The following FBXL7 variants were observed in gnomAD, a reference collection of about 807,000 sequenced individuals.
The protein encoded by FBXL7 is F-box/LRR-repeat protein 7.
In FBXL7, 12 loss-of-function variants were observed where a neutral mutation model predicts 38.3. That is an observed-to-expected ratio of 0.31 (90% CI 0.20 to 0.51). The LOEUF (loss-of-function observed/expected upper bound fraction) is 0.51, where lower values mean the gene tolerates loss of function less well. Ranked by LOEUF, FBXL7 falls within the 20% of genes least tolerant of loss-of-function variation. The pLI is 0.98. For synonymous variants in FBXL7, 297 were observed against 300.9 expected (o/e 0.99, Z 0.13); for missense variants, 567 against 676.4 (o/e 0.84, Z 1.79).
chr5:15,927,764 T>TAAAAAAAAAAAAAAAAAAAAAA lies in FBXL7; in HGVS notation c.128-124_128-103dup, dbSNP rs753935096. ...CACTCCCGCCTGGGCGACAAGATCT[T>TAAAAAAAAAAAAAAAAAAAAAA]AAAAAAAAAAAAAAAAAAAAAAAGA... On this transcript the variant is annotated intron_variant, in intron 2 of 3. Transcript: ENST00000504595. 3.9e-5 allele frequency: 18 copies of TAAAAAAAAAAAAAAAAAAAAAA among 456,840 alleles called. No homozygotes were observed. The African/African-American group carries it at 4.0e-4, about 10-fold the overall frequency. 28.3% of individuals were successfully genotyped at this position (456,840 alleles called of 1,614,324 possible).
chr5:15,681,302 C>T (rs953751456), intron 2 of FBXL7, among the ~76,000 whole-genome samples: 3 of 152,128 alleles, frequency 2.0e-5, no homozygotes, highest in Non-Finnish European at 4.4e-5. Context: ...ATAATGTCAA[C>T]AACACAATTG....
At chr5:15,696,370 G>T (rs1249042842) in intron 2 of FBXL7, among the ~76,000 whole-genome samples, 1 of 152,122 alleles carries the variant, frequency 6.6e-6, no homozygotes, top group Admixed American at 6.5e-5. Flanking sequence ...AAAGGGAGAG[G>T]ATTATTTTGA....
chr5:15,859,677 A>G (rs938270850), intron 2 of FBXL7, among the ~76,000 whole-genome samples: 2 of 152,142 alleles, frequency 1.3e-5, no homozygotes, highest in African/African-American at 2.4e-5. Context: ...AGAACAGCAC[A>G]GGAAAGACCT....
intron 2 of FBXL7, among the ~76,000 whole-genome samples, chr5:15,730,956 C>T (rs1386766863): frequency 1.3e-5 from 2 of 152,148 alleles, no homozygotes; most frequent in Non-Finnish European, 2.9e-5. Context: ...CCATGCCTAT[C>T]ATGAAGATGT....
chr5:15,635,195 A>G (rs1741141957), intron 2 of FBXL7, among the ~76,000 whole-genome samples: 1 of 152,112 alleles, frequency 6.6e-6, no homozygotes, highest in African/African-American at 2.4e-5. Context: ...CTGCTGGTTT[A>G]TAGCTGGTGG....
At chr5:15,746,204 A>G (rs1736010056) in intron 2 of FBXL7, among the ~76,000 whole-genome samples, 1 of 152,210 alleles carries the variant, frequency 6.6e-6, no homozygotes, top group Non-Finnish European at 1.5e-5. Context: ...AGGAAGATTC[A>G]GGAGCATAAA....
intron 2 of FBXL7, among the ~76,000 whole-genome samples, chr5:15,748,487 G>A (rs1400694533): frequency 6.6e-6 from 1 of 152,162 alleles, no homozygotes; most frequent in African/African-American, 2.4e-5. Context: ...AGTCTTACAA[G>A]ATCTGATGGT....
intron 2 of FBXL7, among the ~76,000 whole-genome samples, chr5:15,738,563 C>T (rs1424829502): frequency 2.6e-5 from 4 of 152,130 alleles, no homozygotes; most frequent in Admixed American, 2.6e-4. Flanking sequence ...AAACAGCTCT[C>T]TTGGTCAAGA....
intron 2 of FBXL7, among the ~76,000 whole-genome samples, chr5:15,719,117 A>G (rs1472369682): frequency 2.0e-5 from 3 of 152,210 alleles, no homozygotes; most frequent in Non-Finnish European, 4.4e-5. Flanking sequence ...ACATTTCTCC[A>G]GGGGATAGCA....
intron 2 of FBXL7, among the ~76,000 whole-genome samples, chr5:15,868,334 T>G (rs1561161878): frequency 6.6e-6 from 1 of 152,234 alleles, no homozygotes; most frequent in Non-Finnish European, 1.5e-5. Context: ...TGCCTTGATC[T>G]TAGCCTGGTG....
At chr5:15,759,964 C>G (rs1349837678) in intron 2 of FBXL7, among the ~76,000 whole-genome samples, 1 of 152,102 alleles carries the variant, frequency 6.6e-6, no homozygotes, top group Non-Finnish European at 1.5e-5. Context: ...TAACATTTTA[C>G]TAGGTGGAAT....
chr5:15,888,440 G>C (rs1158215315), intron 2 of FBXL7, among the ~76,000 whole-genome samples: 2 of 151,922 alleles, frequency 1.3e-5, no homozygotes, highest in African/African-American at 4.8e-5. Context: ...TGTTGGCCAG[G>C]CTGGTCTCGA....
chr5:15,867,834 A>G (rs1739780387), intron 2 of FBXL7, among the ~76,000 whole-genome samples: 1 of 152,136 alleles, frequency 6.6e-6, no homozygotes, highest in South Asian at 2.1e-4. Context: ...GGCTGGGTGC[A>G]GTGGCTCATG....
intron 2 of FBXL7, among the ~76,000 whole-genome samples, chr5:15,616,304 T>A (rs1313707652): frequency 2.0e-5 from 3 of 152,136 alleles, no homozygotes. Flanking sequence ...ATAAGGCAAA[T>A]GTTGTTTTGT....
At chr5:15,791,073 G>A (rs903094948) in intron 2 of FBXL7, among the ~76,000 whole-genome samples, 2 of 32,952 alleles carry the variant, frequency 6.1e-5, no homozygotes, top group South Asian at 1.5e-3. Context: ...TGTGTAAAAG[G>A]GGGGGGGGGG....
At chr5:15,627,029 T>C (rs1025090062) in intron 2 of FBXL7, among the ~76,000 whole-genome samples, 3 of 152,162 alleles carry the variant, frequency 2.0e-5, no homozygotes, top group African/African-American at 7.2e-5. Context: ...TAAAGAATTT[T>C]CAAAAATAAT....
At chr5:15,740,051 T>C (rs1305088661) in intron 2 of FBXL7, among the ~76,000 whole-genome samples, 3 of 152,210 alleles carry the variant, frequency 2.0e-5, no homozygotes, top group Non-Finnish European at 4.4e-5. Flanking sequence ...ACCAACACTT[T>C]TTATTATCTT....
intron 2 of FBXL7, among the ~76,000 whole-genome samples, chr5:15,848,767 G>A (rs932537031): frequency 4.9e-4 from 74 of 152,162 alleles, no homozygotes; most frequent in African/African-American, 1.7e-3. Context: ...GTGGGATTTT[G>A]TTGTGGCTGA....
intron 2 of FBXL7, among the ~76,000 whole-genome samples, chr5:15,914,299 T>C (rs1014399781): frequency 2.1e-5 from 3 of 146,050 alleles, no homozygotes; most frequent in Non-Finnish European, 4.4e-5. Context: ...GGCAGGAGAA[T>C]GGTGTGAACC....
Sources: allele counts gnomAD v4.1 joint callset (sites outside exome capture counted in the v4.1 genomes callset), GRCh38; gene constraint gnomAD v4.1.1; transcripts MANE v1.5; gene names NCBI Gene and HGNC (gene_info 2026-07-23, HGNC 2026-07-21).